Variants in MIPOL1 observed in about 807,000 individuals in gnomAD.
MIPOL1 encodes mirror-image polydactyly 1.
In MIPOL1, 57 loss-of-function variants were observed where a neutral mutation model predicts 60.9. The observed-to-expected ratio is 0.94, with a 90% CI of 0.76 to 1.17. MIPOL1 has a LOEUF of 1.17. Ranked by LOEUF, MIPOL1 falls within the 50% of genes most tolerant of loss-of-function variation. The pLI is 0.00. For synonymous variants in MIPOL1, 179 were observed against 168.8 expected (o/e 1.06, Z -0.47); for missense variants, 551 against 511.6 (o/e 1.08, Z -0.74).
intron 9 of MIPOL1, among the ~76,000 whole-genome samples, chr14:37,366,881 T>G (rs1403018361): frequency 6.6e-6 from 1 of 152,120 alleles, no homozygotes; most frequent in Non-Finnish European, 1.5e-5. Flanking sequence ...CTTGCTGAAT[T>G]GACCACTTTA....
chr14:37,311,109 A>T (rs538782722), intron 9 of MIPOL1, among the ~76,000 whole-genome samples: 1 of 152,132 alleles, frequency 6.6e-6, no homozygotes, highest in East Asian at 1.9e-4. Context: ...ATAACTGCAG[A>T]TACTCCAGTC....
At chr14:37,450,243 G>A (rs1199721541) in intron 11 of MIPOL1, among the ~76,000 whole-genome samples, 1 of 152,102 alleles carries the variant, frequency 6.6e-6, no homozygotes, top group African/African-American at 2.4e-5. Context: ...CTAGACCTGT[G>A]TGTGGCTCTC....
At chr14:37,408,398 G>C (rs1392299028) in intron 10 of MIPOL1, among the ~76,000 whole-genome samples, 5 of 152,070 alleles carry the variant, frequency 3.3e-5, no homozygotes, top group Non-Finnish European at 7.4e-5. Flanking sequence ...GGGAGGTCAA[G>C]GCAGGCAGGT....
At chr14:37,386,963 A>G (rs761960460) in intron 10 of MIPOL1, among the ~76,000 whole-genome samples, 2 of 151,966 alleles carry the variant, frequency 1.3e-5, no homozygotes, top group African/African-American at 2.4e-5. Flanking sequence ...GAGCCAATTG[A>G]TAATATGGCT....
At chr14:37,341,192 C>T (rs1323144563) in intron 9 of MIPOL1, among the ~76,000 whole-genome samples, 2 of 152,124 alleles carry the variant, frequency 1.3e-5, no homozygotes, top group East Asian at 3.9e-4. Context: ...CAAAATGTGA[C>T]ACAGACACAC....
At chr14:37,531,274 C>T (rs1271690610) in intron 12 of MIPOL1, among the ~76,000 whole-genome samples, 10 of 152,080 alleles carry the variant, frequency 6.6e-5, no homozygotes, top group Non-Finnish European at 1.5e-4. Flanking sequence ...TGTACCTGTG[C>T]TTCATCTATG....
chr14:37,328,218 T>C (rs1567488742), intron 9 of MIPOL1, among the ~76,000 whole-genome samples: 2 of 152,092 alleles, frequency 1.3e-5, no homozygotes, highest in South Asian at 2.1e-4. Context: ...TTTCACCATG[T>C]TGGCCAGGCT....
At chr14:37,265,825 T>G (rs2082835073) in intron 3 of MIPOL1, among the ~76,000 whole-genome samples, 1 of 152,172 alleles carries the variant, frequency 6.6e-6, no homozygotes, top group Non-Finnish European at 1.5e-5. Context: ...TAAATAAATT[T>G]TCAGTAGAAG....
At chr14:37,204,080 C>A (rs1965708559) in intron 1 of MIPOL1, among the ~76,000 whole-genome samples, 1 of 151,982 alleles carries the variant, frequency 6.6e-6, no homozygotes, top group African/African-American at 2.4e-5. Flanking sequence ...CTGCGCCCAG[C>A]CCCCTCAGGG....
chr14:37,224,240 G>A lies in MIPOL1; in HGVS notation c.-198-22863G>A, dbSNP rs550355538. 5.1e-3 allele frequency among the ~76,000 whole-genome samples: 771 copies of A among 152,274 alleles called. 2 individuals are homozygous for A. The highest frequency in any genetic ancestry group is 7.6e-3 in the Non-Finnish European group (520 of 68,016). On this transcript the variant is annotated intron_variant, in intron 1 of 12. Transcript: ENST00000684589. ...CATGTCTGTAATCCCGGCACTTTGC[G>A]AGGCTGAGGTGGGAGGATTGCTTGA...
chr14:37,332,100 T>C (rs774963825), intron 9 of MIPOL1, among the ~76,000 whole-genome samples: 1 of 152,034 alleles, frequency 6.6e-6, no homozygotes, highest in Non-Finnish European at 1.5e-5. Context: ...ATCGTGCCAT[T>C]GCACCCCAAC....
chr14:37,231,175 A>G (rs990013389), intron 1 of MIPOL1, among the ~76,000 whole-genome samples: 4 of 151,828 alleles, frequency 2.6e-5, no homozygotes, highest in African/African-American at 9.7e-5. Flanking sequence ...GCAGCCTCAA[A>G]CTCCTGGTTT....
At chr14:37,315,092 G>T (rs1567427734) in intron 9 of MIPOL1, among the ~76,000 whole-genome samples, 1 of 152,148 alleles carries the variant, frequency 6.6e-6, no homozygotes, top group Non-Finnish European at 1.5e-5. Flanking sequence ...CAGCTGGGGG[G>T]TGGGATTATC....
chr14:37,213,670 ATGGAGAAAT>A (rs1400326619), intron 1 of MIPOL1, among the ~76,000 whole-genome samples: 6 of 152,186 alleles, frequency 3.9e-5, no homozygotes, highest in African/African-American at 1.4e-4. Context: ...AGGGATAATA[ATGGAGAAAT>A]TCCCAAACCT....
intron 11 of MIPOL1, among the ~76,000 whole-genome samples, chr14:37,485,481 C>T (rs1035944539): frequency 2.6e-4 from 40 of 152,192 alleles, no homozygotes; most frequent in Admixed American, 2.5e-3. Context: ...TCTCCACATC[C>T]TCTCCAGCAT....
chr14:37,202,201 AG>A (rs1965448731), intron 1 of MIPOL1, among the ~76,000 whole-genome samples: 1 of 152,182 alleles, frequency 6.6e-6, no homozygotes, highest in African/African-American at 2.4e-5. Context: ...ATACTAATGA[AG>A]GGTGTGAGGG....
chr14:37,440,221 A>G, intron 11 of MIPOL1, among the ~76,000 whole-genome samples: 1 of 152,232 alleles, frequency 6.6e-6, no homozygotes, highest in East Asian at 1.9e-4. Context: ...CATAATGTCT[A>G]ATTTGTTTTA....
intron 10 of MIPOL1, among the ~76,000 whole-genome samples, chr14:37,406,881 G>T (rs2093596707): frequency 6.6e-6 from 1 of 152,030 alleles, no homozygotes; most frequent in African/African-American, 2.4e-5. Flanking sequence ...TTTACATATA[G>T]GTAAGAGTGG....
At chr14:37,530,139 C>T (rs775962978) in intron 12 of MIPOL1, among the ~76,000 whole-genome samples, 17 of 152,052 alleles carry the variant, frequency 1.1e-4, no homozygotes, top group Non-Finnish European at 1.9e-4. Context: ...GGAAGAAATT[C>T]ATATCAGAAA....
Sources: gnomAD v4.1 joint callset for allele counts (sites outside exome capture counted in the v4.1 genomes callset) on GRCh38, gnomAD v4.1.1 for gene constraint, MANE v1.5 for transcripts, NCBI Gene and HGNC (gene_info 2026-07-23, HGNC 2026-07-21) for gene names.